PCDHA9: variants seen among roughly 807,000 people sequenced by gnomAD.
The protein encoded by PCDHA9 is protocadherin alpha 9.
PCDHA9 carries 62 observed loss-of-function variants against 62.0 expected under a neutral mutation model. The observed-to-expected ratio is 1.00, with a 90% CI of 0.81 to 1.23. The LOEUF is 1.23. PCDHA9 is among the 50% of genes most tolerant of loss of function. PCDHA9 has a pLI of 0.00. For synonymous variants in PCDHA9, 557 were observed against 567.6 expected, an observed-to-expected ratio of 0.98 and a Z score of 0.27; for missense variants, 1,205 against 1,249.8, an observed-to-expected ratio of 0.96 and a Z score of 0.54.
chr5:140,902,171 A>T, intron 1 of PCDHA9, among the ~76,000 whole-genome samples: 1 of 144,502 alleles, frequency 6.9e-6, no homozygotes, highest in Non-Finnish European at 1.5e-5. Flanking sequence ...TCTAATTTGG[A>T]TGTCCTTTAT....
intron 1 of PCDHA9, chr5:140,858,148 C>A: frequency 6.3e-7 from 1 of 1,597,640 alleles, no homozygotes; most frequent in Non-Finnish European, 8.6e-7. Context: ...ACCTGATCAT[C>A]GCCATCTGCG....
rs116326633 is a variant in PCDHA9 at position 141,003,488 on chromosome 5, G to A, written c.2543-6139G>A. Reference sequence around the variant, plus strand: ...CACCACAGTCTCGCTAATTTTTATAGTTTTAGTAGAGATGGGGTTTCACCA... The same window carrying A: ...CACCACAGTCTCGCTAATTTTTATAATTTTAGTAGAGATGGGGTTTCACCA... On this transcript the variant is annotated intron_variant, in intron 3 of 3. Transcript: ENST00000532602. 8.1e-3 allele frequency among the ~76,000 whole-genome samples: 1,225 copies of A among 152,062 alleles called. 19 individuals are homozygous for A. The highest frequency in any genetic ancestry group is 0.028 in the African/African-American group (1,155 of 41,502).
At chr5:140,965,291 C>T (rs1227369041) in intron 1 of PCDHA9, among the ~76,000 whole-genome samples, 1 of 152,154 alleles carries the variant, frequency 6.6e-6, no homozygotes, top group Non-Finnish European at 1.5e-5. Context: ...GGAAAGATTT[C>T]CTCTGATCCT....
rs781866730 is a variant in PCDHA9 at position 141,009,887 on chromosome 5, CAG to C, written c.2804_2805del (p.Gln935ArgfsTer11). ...GAAAAAGAAGAAGGGTAACAAGACCCAGGAGAAAAAAGAGAAAGGGAACAGCA... is the reference window on the plus strand; with the variant it reads ...GAAAAAGAAGAAGGGTAACAAGACCCGAGAAAAAAGAGAAAGGGAACAGCA... ...KKKKKKGNKTQEKKEKGNSTT... is the reference protein window; with the variant it reads ...KKKKKKGNKTXEKKEKGNSTT... On this transcript the variant is annotated frameshift_variant, in exon 4 of 4. Transcript: ENST00000532602. LOFTEE classifies it high-confidence loss of function. 1.9e-6 allele frequency: 3 copies of C among 1,612,850 alleles called. No homozygotes were observed. In the South Asian group the frequency reaches 3.3e-5, roughly 18 times the overall value.
rs191125107 is a variant in PCDHA9 at position 140,991,229 on chromosome 5, G to A, written c.2542+8666G>A. 1.4e-3 allele frequency among the ~76,000 whole-genome samples: 211 copies of A among 152,246 alleles called. 1 individual carries two copies. The highest frequency in any genetic ancestry group is 4.8e-3 in the African/African-American group (201 of 41,560). On this transcript the variant is annotated intron_variant, in intron 3 of 3. Coordinates refer to ENST00000532602, the MANE Select transcript of PCDHA9 (RefSeq NM_031857.2). ...AATTTTGTTAAATTCATTAATAAAT[G>A]CAGTGGTAAAGGCAGTATTTGAACT... is the stretch of plus-strand genomic sequence containing the variant.
At chr5:140,877,259 C>G in intron 1 of PCDHA9, 1 of 1,613,752 alleles carries the variant, frequency 6.2e-7, no homozygotes, top group Non-Finnish European at 8.5e-7. Flanking sequence ...AAAGTGCGCG[C>G]GGTGGACGCT....
At chr5:140,875,931 T>C in intron 1 of PCDHA9, 1 of 1,614,176 alleles carries the variant, frequency 6.2e-7, no homozygotes, top group South Asian at 1.1e-5. Flanking sequence ...CTCATTTTCC[T>C]CTAGAGGGCG....
chr5:141,008,022 T>C (rs1355928123), intron 3 of PCDHA9, among the ~76,000 whole-genome samples: 3 of 152,226 alleles, frequency 2.0e-5, no homozygotes, highest in Non-Finnish European at 4.4e-5. Context: ...TCCTTTTTTT[T>C]CTTGTTAATC....
chr5:140,878,125 A>T (rs1286133298), intron 1 of PCDHA9: 1 of 214,326 alleles, frequency 4.7e-6, no homozygotes, highest in Non-Finnish European at 9.0e-6. Flanking sequence ...ATATTAGATT[A>T]AAAAGTGGCC....
intron 3 of PCDHA9, among the ~76,000 whole-genome samples, chr5:140,994,758 G>A (rs150618369): frequency 1.3e-5 from 2 of 152,248 alleles, no homozygotes; most frequent in East Asian, 3.9e-4. Flanking sequence ...GATGTGGAGA[G>A]GAAGAGAATT....
chr5:140,884,444 C>G (rs1186302015), intron 1 of PCDHA9: 1 of 1,613,776 alleles, frequency 6.2e-7, no homozygotes, highest in East Asian at 2.2e-5. Flanking sequence ...GTGCTCGGCA[C>G]CGCCCACCGA....
intron 1 of PCDHA9, chr5:140,858,571 C>T: frequency 7.3e-7 from 1 of 1,362,320 alleles, no homozygotes. Flanking sequence ...CTAGTGATAC[C>T]TTTGTAATAT....
intron 1 of PCDHA9, among the ~76,000 whole-genome samples, chr5:140,954,634 T>C (rs1366737169): frequency 6.6e-6 from 1 of 152,210 alleles, no homozygotes; most frequent in Admixed American, 6.5e-5. Flanking sequence ...GTTTTTCTTG[T>C]AAATTTGTTT....
intron 1 of PCDHA9, among the ~76,000 whole-genome samples, chr5:140,970,397 T>C (rs2096402198): frequency 6.6e-6 from 1 of 152,218 alleles, no homozygotes; most frequent in Non-Finnish European, 1.5e-5. Flanking sequence ...GGAAAGTGGA[T>C]GGCTTACCCT....
intron 3 of PCDHA9, among the ~76,000 whole-genome samples, chr5:140,995,493 G>T (rs1427672474): frequency 6.6e-6 from 1 of 152,148 alleles, no homozygotes; most frequent in Non-Finnish European, 1.5e-5. Flanking sequence ...TCAGACTAAG[G>T]TTGACTGTGG....
rs1554244455 is a variant in PCDHA9 at position 140,982,542 on chromosome 5, A to G, written c.2521A>G (p.Thr841Ala). The G allele has an allele frequency of 1.9e-6, 3 of 1,614,210 alleles. No homozygotes were observed. The highest frequency in any genetic ancestry group is 2.2e-5 in the East Asian group (1 of 44,888). Residue 841 changes from threonine (T) to alanine (A), a missense_variant, in exon 3 of 4, where the codon ACA becomes GCA. Transcript: ENST00000532602. ...GPGGPDQQWP[T>A]VSSATPEPEA... ...AGGAGGGCCTGATCAGCAGTGGCCA[A>G]CAGTATCCAGTGCAACACCAGGTAA...
intron 1 of PCDHA9, chr5:140,929,861 G>C (rs2086430114): frequency 6.5e-6 from 1 of 153,628 alleles, no homozygotes; most frequent in Admixed American, 6.5e-5. Context: ...AGTCAGAGAA[G>C]GCTTTGTGAT....
chr5:140,856,512 G>T lies in PCDHA9; in HGVS notation c.2394+5623G>T, dbSNP rs781905206. On this transcript the variant is annotated intron_variant, in intron 1 of 3. Transcript: ENST00000532602. ...CTTGACTCTCGATTTCCACTAGAAG[G>T]CGCATCTGATGCGGATGTTGGAGAG... 1.9e-6 allele frequency: 3 copies of T among 1,598,396 alleles called. No individual in the cohort carries two copies. The South Asian group carries it at 3.3e-5, about 18-fold the overall frequency.
intron 1 of PCDHA9, among the ~76,000 whole-genome samples, chr5:140,919,654 C>CAT (rs1554199189): frequency 6.6e-6 from 1 of 151,822 alleles, no homozygotes; most frequent in African/African-American, 2.4e-5. Context: ...TAGAGTTTAC[C>CAT]ATATATATTT....
Sources: allele counts gnomAD v4.1 joint callset (sites outside exome capture counted in the v4.1 genomes callset), GRCh38; gene constraint gnomAD v4.1.1; transcripts MANE v1.5; gene names NCBI Gene and HGNC (gene_info 2026-07-23, HGNC 2026-07-21).